Variants in PIP5K1B observed in about 807,000 individuals in gnomAD.
PIP5K1B encodes phosphatidylinositol-4-phosphate 5-kinase type 1 beta, also known as phosphatidylinositol 4-phosphate 5-kinase type-1 beta.
Under a neutral mutation model 67.0 loss-of-function variants are expected in PIP5K1B, and 42 were observed. That is an observed-to-expected ratio of 0.63 (90% CI 0.49 to 0.81). The LOEUF is 0.81. Ranked by LOEUF, PIP5K1B falls within the 30% of genes least tolerant of loss-of-function variation. PIP5K1B has a pLI of 0.00. For synonymous variants in PIP5K1B, 214 were observed against 231.4 expected (o/e 0.92, Z 0.68); for missense variants, 459 against 646.3 (o/e 0.71, Z 3.14).
intron 13 of PIP5K1B, among the ~76,000 whole-genome samples, chr9:68,936,214 G>T (rs995419533): frequency 2.0e-5 from 3 of 151,816 alleles, no homozygotes; most frequent in African/African-American, 7.3e-5. Flanking sequence ...AGGACTTCTT[G>T]TACAATGATA....
intron 1 of PIP5K1B, among the ~76,000 whole-genome samples, chr9:68,713,940 G>A (rs1321782446): frequency 6.6e-6 from 1 of 152,152 alleles, no homozygotes; most frequent in Non-Finnish European, 1.5e-5. Flanking sequence ...AACCTAGTCA[G>A]GTTAGTAGTA....
At chr9:69,000,205 A>G (rs1041369500) in intron 15 of PIP5K1B, among the ~76,000 whole-genome samples, 1 of 152,118 alleles carries the variant, frequency 6.6e-6, no homozygotes. Flanking sequence ...TTAGGCAGCA[A>G]TTTTAACAAA....
At chr9:68,993,454 GT>G (rs1369413237) in intron 15 of PIP5K1B, among the ~76,000 whole-genome samples, 1 of 151,908 alleles carries the variant, frequency 6.6e-6, no homozygotes, top group Non-Finnish European at 1.5e-5. Flanking sequence ...AAAACAGCAG[GT>G]CCCCCACCAA....
intron 4 of PIP5K1B, among the ~76,000 whole-genome samples, chr9:68,845,639 G>A (rs575459816): frequency 6.6e-6 from 1 of 152,300 alleles, no homozygotes; most frequent in African/African-American, 2.4e-5. Context: ...AAGGCCTAAC[G>A]TGGCTGTTTT....
intron 4 of PIP5K1B, among the ~76,000 whole-genome samples, chr9:68,846,269 T>C (rs1228213036): frequency 1.3e-5 from 2 of 152,228 alleles, no homozygotes; most frequent in South Asian, 2.1e-4. Flanking sequence ...TAAAATTCTC[T>C]TGGCATTGTT....
chr9:68,872,761 A>G (rs1294481363), intron 5 of PIP5K1B, among the ~76,000 whole-genome samples: 1 of 152,202 alleles, frequency 6.6e-6, no homozygotes, highest in Non-Finnish European at 1.5e-5. Flanking sequence ...ATTCTGCATC[A>G]TGTTTCATCC....
chr9:68,756,616 C>CGT (rs1554709917), intron 2 of PIP5K1B, among the ~76,000 whole-genome samples: 4 of 151,838 alleles, frequency 2.6e-5, no homozygotes, highest in Admixed American at 1.3e-4. Context: ...ATAATGTGTA[C>CGT]ATGTTATTCT....
At chr9:68,968,503 C>CAAAAAAA (rs35997709) in intron 14 of PIP5K1B, among the ~76,000 whole-genome samples, 1 of 132,102 alleles carries the variant, frequency 7.6e-6, no homozygotes, top group Non-Finnish European at 1.6e-5. Flanking sequence ...GACTCTGTCT[C>CAAAAAAA]AAAAAAAAAA....
chr9:68,917,639 C>T lies in PIP5K1B; in HGVS notation c.863C>T (p.Pro288Leu). ...HSLKEKEEET[P>L]QNVPDAKRTG... is the part of the protein sequence containing the mutation. ...CTCAAAGAGAAAGAGGAGGAGACCCCACAAAATGTGCCTGATGCTAAGCGG... is the reference window on the plus strand; with the variant it reads ...CTCAAAGAGAAAGAGGAGGAGACCCTACAAAATGTGCCTGATGCTAAGCGG... The change falls in exon 9 of 16, where the codon CCA (proline) becomes CTA (leucine). Residue 288 changes from proline to leucine, a missense_variant. This residue lies in a region of PIP5K1B where 290 missense variants were observed against 474.4 expected (regional missense o/e 0.61). Coordinates refer to ENST00000265382, the MANE Select transcript of PIP5K1B (RefSeq NM_003558.4). 1 of 1,613,932 alleles carries T rather than the reference C, an allele frequency of 6.2e-7. No individual in the cohort carries two copies. The highest frequency in any genetic ancestry group is 1.7e-5 in the Admixed American group (1 of 60,026).
At chr9:68,828,178 G>T (rs1327635280) in intron 4 of PIP5K1B, among the ~76,000 whole-genome samples, 1 of 152,200 alleles carries the variant, frequency 6.6e-6, no homozygotes, top group African/African-American at 2.4e-5. Context: ...TCACCCTGAG[G>T]TTGTCGTTCT....
At chr9:68,939,564 C>T (rs1206083945) in intron 13 of PIP5K1B, among the ~76,000 whole-genome samples, 1 of 152,198 alleles carries the variant, frequency 6.6e-6, no homozygotes, top group Non-Finnish European at 1.5e-5. Context: ...TTTGGTTATT[C>T]ATGGTTTTAT....
Position 68,774,574 on chromosome 9 carries a change from G to A in PIP5K1B, c.-86+31917G>A, listed in dbSNP as rs76275231. On this transcript the variant is annotated intron_variant, in intron 2 of 15. Coordinates refer to ENST00000265382, the MANE Select transcript of PIP5K1B (RefSeq NM_003558.4). ...AACGTGTATACATTTCAAATAGTTT[G>A]ATAATGTTTTCCATATGTGTACACC... Among the ~76,000 whole-genome samples, 534 of 152,194 alleles carry A rather than the reference G, an allele frequency of 3.5e-3. 27 individuals are homozygous for A. The East Asian group carries it at 0.098, about 28-fold the overall frequency.
intron 5 of PIP5K1B, among the ~76,000 whole-genome samples, chr9:68,866,380 C>G (rs1823354942): frequency 6.6e-6 from 1 of 151,254 alleles, no homozygotes; most frequent in East Asian, 1.9e-4. Flanking sequence ...ATAAGAAAAA[C>G]TTTAAAAATT....
At chr9:68,938,350 T>G in intron 13 of PIP5K1B, among the ~76,000 whole-genome samples, 1 of 152,218 alleles carries the variant, frequency 6.6e-6, no homozygotes, top group East Asian at 1.9e-4. Context: ...TACCACTATG[T>G]AATGGCCTTA....
chr9:68,936,329 A>G (rs1027288427), intron 13 of PIP5K1B, among the ~76,000 whole-genome samples: 3 of 151,936 alleles, frequency 2.0e-5, no homozygotes, highest in African/African-American at 2.4e-5. Flanking sequence ...TGATACCCAT[A>G]ATCAAGTCAA....
At chr9:68,935,877 A>G (rs1827239967) in intron 13 of PIP5K1B, 1 of 152,260 alleles carries the variant, frequency 6.6e-6, no homozygotes, top group African/African-American at 2.4e-5. Context: ...GAAAGGAAAA[A>G]TATGGAACGT....
At position 68,719,763 on chromosome 9, in the gene PIP5K1B, ATTTAG is replaced by A. The variant is rs1006811126; in HGVS notation, c.-243+14007_-243+14011del. On this transcript the variant is annotated intron_variant, in intron 1 of 15. Transcript: ENST00000265382. ...GATGTCTGTACAGTTGGGCTTCATT[ATTTAG>A]TTTAGCAGTTTCTCAGAAACTCCCT... is the stretch of plus-strand genomic sequence containing the variant. Among the ~76,000 whole-genome samples the A allele has an allele frequency of 9.2e-5, 14 of 152,350 alleles. No homozygotes were observed. The East Asian group carries it at 1.9e-3, about 21-fold the overall frequency.
chr9:68,969,738 C>G (rs1338816302), intron 14 of PIP5K1B, among the ~76,000 whole-genome samples: 1 of 152,098 alleles, frequency 6.6e-6, no homozygotes, highest in African/African-American at 2.4e-5. Flanking sequence ...TATGATCTAC[C>G]GGAAAGAGAG....
At position 68,940,757 on chromosome 9, in the gene PIP5K1B, A is replaced by G; in HGVS notation, c.1469A>G (p.Tyr490Cys). 6.2e-7 allele frequency: 1 copy of G among 1,613,980 alleles called. No homozygotes were observed. The highest frequency in any genetic ancestry group is 8.5e-7 in the Non-Finnish European group (1 of 1,179,888). ...SSSSLYVNEH[Y>C]PHDRPTLYSN... ...TCTTCCTTATACGTCAATGAGCACT[A>G]TCCACACGACAGGCCTACACTCTAT... Residue 490 changes from tyrosine to cysteine, a missense_variant, in exon 14 of 16, where the codon TAT becomes TGT. Transcript: ENST00000265382.
Sources: gnomAD v4.1 joint callset for allele counts (sites outside exome capture counted in the v4.1 genomes callset) on GRCh38, gnomAD v4.1.1 for gene constraint, gnomAD v4.1.1 regional missense constraint, MANE v1.5 for transcripts, NCBI Gene and HGNC (gene_info 2026-07-23, HGNC 2026-07-21) for gene names.